Variants in AQP7 observed in about 807,000 individuals in gnomAD.
AQP7 encodes the protein aquaporin 7.
AQP7 carries 22 observed loss-of-function variants against 26.1 expected under a neutral mutation model. That is an observed-to-expected ratio of 0.84 (90% CI 0.60 to 1.20). The LOEUF (loss-of-function observed/expected upper bound fraction) is 1.20, where lower values mean the gene tolerates loss of function less well. Ranked by LOEUF, AQP7 falls within the 50% of genes most tolerant of loss-of-function variation. The probability of loss-of-function intolerance (pLI) is 0.00; values close to 1 mark genes in which losing one functional copy is unlikely to be tolerated. For synonymous variants in AQP7, 167 were observed against 181.7 expected, an observed-to-expected ratio of 0.92 and a Z score of 0.65; for missense variants, 412 against 457.5, an observed-to-expected ratio of 0.90 and a Z score of 0.91.
chr9:33,391,914 T>C (rs1193642872), intron 3 of AQP7, among the ~76,000 whole-genome samples: 2 of 152,142 alleles, frequency 1.3e-5, no homozygotes, highest in South Asian at 4.1e-4. Flanking sequence ...TTGAACTACC[T>C]GAAAGTGAGG....
intron 2 of AQP7, among the ~76,000 whole-genome samples, chr9:33,399,013 C>T (rs1200393780): frequency 2.0e-5 from 3 of 150,658 alleles, no homozygotes; most frequent in Non-Finnish European, 3.0e-5. Context: ...CTCTGTCGCC[C>T]AGGCTGAAGT....
chr9:33,391,049 G>A (rs1825345939), intron 3 of AQP7, among the ~76,000 whole-genome samples: 2 of 152,170 alleles, frequency 1.3e-5, no homozygotes, highest in South Asian at 2.1e-4. Context: ...AGGCAGAGTA[G>A]TGAACTGAGA....
chr9:33,394,400 T>C (rs1318200128), intron 3 of AQP7: 3 of 151,844 alleles, frequency 2.0e-5, no homozygotes, highest in African/African-American at 7.3e-5. Context: ...GTCACTCCCC[T>C]GCTTGCCAGC....
At chr9:33,395,053 C>T in intron 3 of AQP7, 25 bp downstream of exon 3, 1 of 1,599,614 alleles carries the variant, frequency 6.3e-7, no homozygotes, top group Non-Finnish European at 8.6e-7. Context: ...GAGCCCCACC[C>T]ACTTCGTGCT....
chr9:33,392,534 C>G (rs1212207580), intron 3 of AQP7, among the ~76,000 whole-genome samples: 1 of 152,102 alleles, frequency 6.6e-6, no homozygotes, highest in African/African-American at 2.4e-5. Flanking sequence ...AAAATCTCAA[C>G]AAAAGGAAGA....
intron 3 of AQP7, among the ~76,000 whole-genome samples, chr9:33,390,027 C>CAAAAAAAA (rs778333672): frequency 6.4e-5 from 5 of 78,604 alleles, no homozygotes; most frequent in Non-Finnish European, 1.0e-4. Context: ...GACTCCGTCT[C>CAAAAAAAA]AAAAAAAAAA....
chr9:33,401,701 AC>A (rs1826300319), intron 1 of AQP7: 1 of 189,046 alleles, frequency 5.3e-6, no homozygotes, highest in Admixed American at 5.6e-5. Flanking sequence ...GCACGCATGC[AC>A]ACACACACAC....
chr9:33,391,305 C>T (rs557295964), intron 3 of AQP7: 1 of 155,684 alleles, frequency 6.4e-6, no homozygotes, highest in East Asian at 1.9e-4. Context: ...CTGCATTCCA[C>T]TCTCCATGGC....
chr9:33,392,305 A>T (rs975414254), intron 3 of AQP7, among the ~76,000 whole-genome samples: 21 of 152,114 alleles, frequency 1.4e-4, no homozygotes, highest in Non-Finnish European at 2.5e-4. Flanking sequence ...ATCTCAAAAA[A>T]AAAAAAAAAG....
intron 3 of AQP7, among the ~76,000 whole-genome samples, chr9:33,394,798 C>T (rs1165717007): frequency 6.6e-6 from 1 of 152,164 alleles, no homozygotes; most frequent in Non-Finnish European, 1.5e-5. Flanking sequence ...GCACCTGGGC[C>T]TCTTCAATCT....
At chr9:33,390,507 T>G (rs1005316324) in intron 3 of AQP7, among the ~76,000 whole-genome samples, 2 of 149,510 alleles carry the variant, frequency 1.3e-5, no homozygotes, top group Admixed American at 1.3e-4. Context: ...AGAGCAGCTT[T>G]GGGGAAGTCT....
At chr9:33,396,310 TG>T (rs1333586609) in intron 2 of AQP7, among the ~76,000 whole-genome samples, 1 of 152,040 alleles carries the variant, frequency 6.6e-6, no homozygotes, top group Non-Finnish European at 1.5e-5. Flanking sequence ...TGATGGCGCA[TG>T]CCTGTAATCC....
intron 2 of AQP7, among the ~76,000 whole-genome samples, chr9:33,396,483 A>G (rs1206850110): frequency 1.4e-5 from 2 of 145,484 alleles, no homozygotes; most frequent in African/African-American, 5.1e-5. Context: ...GGATACAGAT[A>G]CCTCTAAGTG....
intron 1 of AQP7, 143 bp from the exon 2 acceptor site, chr9:33,401,430 G>A: frequency 5.7e-6 from 4 of 704,316 alleles, no homozygotes; most frequent in East Asian, 2.8e-5. Context: ...GAACAGGGAG[G>A]GAGGAGCGGT....
intron 2 of AQP7, among the ~76,000 whole-genome samples, chr9:33,400,022 A>G (rs780865199): frequency 5.3e-5 from 8 of 151,998 alleles, no homozygotes; most frequent in Admixed American, 6.6e-5. Context: ...GTGGACTTGC[A>G]GGGGGCGGAG....
rs547276924 is a variant in AQP7 at position 33,384,876 on chromosome 9, T to C, written c.*129A>G. The C allele has an allele frequency of 3.9e-5, 44 of 1,142,348 alleles. No homozygotes were observed. In the South Asian group the frequency reaches 6.3e-4, roughly 16 times the overall value. The allele number at this position is 1,142,348 out of a possible 1,614,324, so 70.8% of individuals were successfully genotyped here. A position where few individuals can be genotyped will look rare whatever the true frequency, so the allele number is the denominator to read the frequency against. On this transcript the variant is annotated 3_prime_UTR_variant, in exon 8 of 8. Coordinates refer to ENST00000297988, the MANE Select transcript of AQP7 (RefSeq NM_001170.3). ...CACCTCTACACCTTGGGCTAAGACA[T>C]AGCCCTGGAGCTCCTGTAAGAACCC... is the stretch of plus-strand genomic sequence containing the variant.
chr9:33,395,332 C>G, intron 2 of AQP7, 137 bp from the exon 3 acceptor site: 1 of 697,568 alleles, frequency 1.4e-6, no homozygotes, highest in East Asian at 2.7e-5. Flanking sequence ...CGCAGGGCAG[C>G]TGGGACAGCT....
rs1824711397 is a variant in AQP7, at chr9:33,385,807, G to A, written c.585C>T (p.Asn195=). ...CLFAITDQEN[N]PALPGTEALV... Reference sequence around the variant, plus strand: ...GCGCCTCTGTTCCTGGCAGTGCTGGGTTGTTCTCCTGGTCCGTGATGGCGA... The same window carrying A: ...GCGCCTCTGTTCCTGGCAGTGCTGGATTGTTCTCCTGGTCCGTGATGGCGA... Residue 195 remains asparagine (N), a synonymous_variant, in exon 7 of 8, where the codon AAC becomes AAT. Coordinates refer to ENST00000297988, the MANE Select transcript of AQP7 (RefSeq NM_001170.3). 1 of 1,612,988 alleles carries A rather than the reference G, an allele frequency of 6.2e-7. No homozygotes were observed. Among genetic ancestry groups the A allele is most frequent in the Non-Finnish European group, 8.5e-7 (1 of 1,179,926 alleles).
At chr9:33,387,647 T>C (rs1294939385) in intron 3 of AQP7, among the ~76,000 whole-genome samples, 1 of 152,114 alleles carries the variant, frequency 6.6e-6, no homozygotes, top group Non-Finnish European at 1.5e-5. Context: ...CCCAAGCTGC[T>C]GCTTCTTGCC....
Sources: gnomAD v4.1 joint callset for allele counts (sites outside exome capture counted in the v4.1 genomes callset) on GRCh38, gnomAD v4.1.1 for gene constraint, MANE v1.5 for transcripts, NCBI Gene and HGNC (gene_info 2026-07-23, HGNC 2026-07-21) for gene names.